Variants in KDM7A observed in about 807,000 individuals in gnomAD.
KDM7A encodes lysine demethylase 7A.
A neutral mutation model predicts 114.8 loss-of-function variants in KDM7A; 28 were observed. That is an observed-to-expected ratio of 0.24 (90% CI 0.18 to 0.33). The LOEUF (loss-of-function observed/expected upper bound fraction) is 0.33. Among genes scored for constraint, KDM7A ranks in the 10% least tolerant of loss-of-function variants. The pLI, the probability that KDM7A is intolerant of heterozygous loss-of-function variation, is 1.00. For missense variants in KDM7A, 942 were observed against 1,142.5 expected (o/e 0.82, Z 2.53); for synonymous variants, 423 against 397.8 (o/e 1.06, Z -0.75).
Position 140,176,834 on chromosome 7 carries a change from G to A in KDM7A, c.104C>T (p.Pro35Leu). 2 of 1,336,196 alleles carry A rather than the reference G, an allele frequency of 1.5e-6. No individual in the cohort carries two copies. The highest frequency in any genetic ancestry group is 1.8e-5 in the South Asian group (1 of 56,470). 82.8% of individuals were successfully genotyped at this position (1,336,196 alleles called of 1,614,324 possible). Residue 35 changes from proline (P) to leucine (L), a missense_variant, in exon 1 of 20, where the codon CCC becomes CTC. By Grantham distance (98) the Pro-to-Leu change is moderately conservative. Transcript: ENST00000397560. The surrounding 1 kb of genome is among the most constrained non-coding windows in gnomAD (Gnocchi z 4.4). Reference protein sequence around the residue: ...APGRASAPPPPPPVYCVCRQP... With the variant: ...APGRASAPPPLPPVYCVCRQP... ...CCGGCACACACAGTACACGGGCGGG[G>A]GCGGCGGAGGCGCCGAGGCCCGGCC...
chr7:140,125,950 G>A (rs563009229), intron 6 of KDM7A, among the ~76,000 whole-genome samples: 32 of 151,428 alleles, frequency 2.1e-4, no homozygotes, highest in South Asian at 1.0e-3. Context: ...TGTTGCCCAG[G>A]CTGGAATGCA....
chr7:140,097,915 A>G (rs2116743222), intron 14 of KDM7A, among the ~76,000 whole-genome samples: 1 of 152,292 alleles, frequency 6.6e-6, no homozygotes, highest in East Asian at 1.9e-4. Context: ...ACTGTTTTGT[A>G]TTTCTTTCCA....
chr7:140,096,673 C>A lies in KDM7A; in HGVS notation c.2256G>T (p.Arg752Ser). The change falls in exon 17 of 20, where the codon AGG (arginine) becomes AGT (serine). Residue 752 changes from arginine (R) to serine (S), a missense_variant. This residue lies in a region of KDM7A where 512 missense variants were observed against 576.6 expected (regional missense o/e 0.89). Transcript: ENST00000397560. Reference protein sequence around the residue: ...AGLHYSTCLQRQIQSTDCSGE... With the variant: ...AGLHYSTCLQSQIQSTDCSGE... ...CACTGCAGTCTGTGCTTTGTATTTG[C>A]CTTTGTAAACACGTGGAATAGTGCA... is the stretch of plus-strand genomic sequence containing the variant. The A allele has an allele frequency of 6.2e-7, 1 of 1,614,096 alleles. No homozygotes were observed. Among genetic ancestry groups the A allele is most frequent in the Non-Finnish European group, 8.5e-7 (1 of 1,179,988 alleles).
chr7:140,099,807 G>A (rs1818173475), intron 13 of KDM7A, 92 bp downstream of exon 13: 1 of 1,218,796 alleles, frequency 8.2e-7, no homozygotes, highest in African/African-American at 1.5e-5. Flanking sequence ...ACCGGTCCCT[G>A]GTGCCAGAAA....
chr7:140,122,855 C>T (rs1431283950), intron 7 of KDM7A, among the ~76,000 whole-genome samples: 1 of 152,140 alleles, frequency 6.6e-6, no homozygotes, highest in East Asian at 1.9e-4. Flanking sequence ...GGAGAGCTGA[C>T]CATAGTTAAG....
Position 140,085,062 on chromosome 7 carries a change from T to C in KDM7A, c.*6032A>G, listed in dbSNP as rs1817901304. On this transcript the variant is annotated 3_prime_UTR_variant, in exon 20 of 20. Transcript: ENST00000397560. Reference sequence around the variant, plus strand: ...TGCAGGCAAAAGATGGGAAATACTGTTATGAATCAGCAAAGAAATGCTCTT... The same window carrying C: ...TGCAGGCAAAAGATGGGAAATACTGCTATGAATCAGCAAAGAAATGCTCTT... The C allele has an allele frequency of 6.6e-6, 1 of 152,250 alleles. No homozygotes were observed. The highest frequency in any genetic ancestry group is 2.1e-4 in the South Asian group (1 of 4,834). 9.4% of individuals were successfully genotyped at this position (152,250 alleles called of 1,614,324 possible).
chr7:140,150,326 G>A (rs1398773092), intron 1 of KDM7A, among the ~76,000 whole-genome samples: 1 of 152,290 alleles, frequency 6.6e-6, no homozygotes, highest in East Asian at 1.9e-4. Context: ...AGTTCCTCAT[G>A]AAATGCAAGA....
chr7:140,152,485 G>A (rs905714285), intron 1 of KDM7A, among the ~76,000 whole-genome samples: 13 of 152,186 alleles, frequency 8.5e-5, no homozygotes, highest in African/African-American at 2.9e-4. Flanking sequence ...TTAGCTGGCC[G>A]TGGTGGGACA....
intron 1 of KDM7A, among the ~76,000 whole-genome samples, chr7:140,175,740 G>A (rs992197012): frequency 2.0e-5 from 3 of 152,056 alleles, no homozygotes; most frequent in African/African-American, 7.2e-5. Context: ...GCGCGGCGGC[G>A]GCTGAATCAG....
chr7:140,099,077 T>C, intron 13 of KDM7A, 44 bp from the exon 14 acceptor site: 1 of 1,454,130 alleles, frequency 6.9e-7, no homozygotes, highest in South Asian at 1.2e-5. Flanking sequence ...TGCAAGACTC[T>C]GTAGCCAAAC....
intron 18 of KDM7A, among the ~76,000 whole-genome samples, chr7:140,092,974 G>A (rs542507431): frequency 2.6e-5 from 4 of 152,022 alleles, no homozygotes; most frequent in East Asian, 1.9e-4. Context: ...GTCAAAGAAC[G>A]TATACTCACA....
In KDM7A at chr7:140,086,043, A is replaced by T. The variant is rs1817919252; in HGVS notation, c.*5051T>A. 1 of 152,210 alleles carries T rather than the reference A, an allele frequency of 6.6e-6. No individual in the cohort carries two copies. Among genetic ancestry groups the T allele is most frequent in the Non-Finnish European group, 1.5e-5 (1 of 68,044 alleles). 9.4% of individuals were successfully genotyped at this position (152,210 alleles called of 1,614,324 possible). The stretch of plus-strand genomic sequence containing the variant: ...GAGGAAAACAGCTGACATTTTGAAA[A>T]AGAAATGGCCAAAATGAAACTGGTT... On this transcript the variant is annotated 3_prime_UTR_variant, in exon 20 of 20. Transcript: ENST00000397560.
At position 140,143,616 on chromosome 7, in the gene KDM7A, T is replaced by C. The variant is rs770974631; in HGVS notation, c.195-4426A>G. Among the ~76,000 whole-genome samples, 129 of 152,132 alleles carry C rather than the reference T, an allele frequency of 8.5e-4. 2 individuals carry two copies. Among genetic ancestry groups the C allele is most frequent in the South Asian group, 1.4e-3 (7 of 4,828 alleles). On this transcript the variant is annotated intron_variant, in intron 1 of 19. Coordinates refer to ENST00000397560, the MANE Select transcript of KDM7A (RefSeq NM_030647.2). ...TTAATCTAATAACTACAACAAAATA[T>C]CAAAAGCAATAAATCAGAGACCTCC... is the stretch of plus-strand genomic sequence containing the variant.
In KDM7A at chr7:140,120,460, T is replaced by A; in HGVS notation, c.1121A>T (p.Asn374Ile). The A allele has an allele frequency of 6.2e-7, 1 of 1,610,500 alleles. No homozygotes were observed. Among genetic ancestry groups the A allele is most frequent in the Non-Finnish European group, 8.5e-7 (1 of 1,176,838 alleles). ...AFGGNFLHNL[N>I]IGMQLRCYEM... ...CACAAACCTGAGCTGCATGCCAATG[T>A]TAAGGTTGTGCAGGAAGTTCCCCCC... is the stretch of plus-strand genomic sequence containing the variant. Residue 374 changes from asparagine to isoleucine, a missense_variant, in exon 8 of 20, where the codon AAC becomes ATC. Around this residue, in one of 4 missense-constraint regions of KDM7A, gnomAD observed 318 missense variants for 453.1 expected, o/e 0.70. Transcript: ENST00000397560.
rs1255362630 is a variant in KDM7A at position 140,135,362 on chromosome 7, T to C, written c.281-1706A>G. Among the ~76,000 whole-genome samples, 7 of 152,062 alleles carry C rather than the reference T, an allele frequency of 4.6e-5. No homozygotes were observed. In the East Asian group the frequency reaches 5.8e-4, roughly 13 times the overall value. ...GGACTACAGGGGTGTGCCACCACATTCGGCTAATTTTTTGTATTTTAGTAG... is the reference window on the plus strand; with the variant it reads ...GGACTACAGGGGTGTGCCACCACATCCGGCTAATTTTTTGTATTTTAGTAG... On this transcript the variant is annotated intron_variant, in intron 2 of 19. Coordinates refer to ENST00000397560, the MANE Select transcript of KDM7A (RefSeq NM_030647.2).
chr7:140,130,211 C>A (rs375437931), intron 3 of KDM7A, among the ~76,000 whole-genome samples: 3 of 152,170 alleles, frequency 2.0e-5, no homozygotes, highest in East Asian at 1.9e-4. Flanking sequence ...TAATAGGATG[C>A]TTACAACTAG....
intron 11 of KDM7A, among the ~76,000 whole-genome samples, chr7:140,107,232 C>T (rs981342718): frequency 3.9e-5 from 6 of 152,048 alleles, no homozygotes; most frequent in African/African-American, 9.7e-5. Context: ...TCCTATTTGC[C>T]GGTATGTGTC....
intron 1 of KDM7A, among the ~76,000 whole-genome samples, chr7:140,147,411 C>T (rs1202837564): frequency 6.6e-6 from 1 of 152,122 alleles, no homozygotes; most frequent in East Asian, 1.9e-4. Flanking sequence ...CTGGTAAAAA[C>T]GGAAAGCTCT....
intron 1 of KDM7A, among the ~76,000 whole-genome samples, chr7:140,162,197 T>C (rs1037765360): frequency 2.6e-5 from 4 of 151,964 alleles, no homozygotes; most frequent in African/African-American, 9.7e-5. Context: ...TCGCCGGGCA[T>C]AGTGGCACAT....
Sources: allele counts gnomAD v4.1 joint callset (sites outside exome capture counted in the v4.1 genomes callset), GRCh38; gene constraint gnomAD v4.1.1; regional missense constraint gnomAD v4.1.1; non-coding constraint Gnocchi (gnomAD v3.1); transcripts MANE v1.5; gene names NCBI Gene and HGNC (gene_info 2026-07-23, HGNC 2026-07-21).